The following ZNF618 variants were observed in gnomAD, a reference collection of about 807,000 sequenced individuals.
The protein encoded by ZNF618 is neural precursor cell expressed, developmentally down-regulated 10.
In ZNF618, 34 loss-of-function variants were observed where a neutral mutation model predicts 103.0. That is an observed-to-expected ratio of 0.33 (90% confidence interval 0.25 to 0.44). The LOEUF (loss-of-function observed/expected upper bound fraction) is 0.44, where lower values mean the gene tolerates loss of function less well. Ranked by LOEUF, ZNF618 falls within the 20% of genes least tolerant of loss-of-function variation. The pLI, the probability that ZNF618 is intolerant of heterozygous loss-of-function variation, is 1.00. For missense variants in ZNF618, 1,059 were observed against 1,295.4 expected (o/e 0.82, Z 2.80); for synonymous variants, 551 against 542.2 (o/e 1.02, Z -0.23).
rs80149033 is a variant in ZNF618 at position 113,914,371 on chromosome 9, G to A, written c.33+37958G>A. ...CCAGGCCTTCAAGACGCAGGATATA[G>A]GCACCTTGGGGCTCTCCTCACGTGC... On this transcript the variant is annotated intron_variant, in intron 1 of 14. Coordinates refer to ENST00000374126, the MANE Select transcript of ZNF618 (RefSeq NM_001318042.2). Among the ~76,000 whole-genome samples the A allele has an allele frequency of 5.6e-3, 850 of 152,250 alleles. 8 individuals carry two copies. Among genetic ancestry groups the A allele is most frequent in the African/African-American group, 0.02 (819 of 41,538 alleles).
At chr9:113,896,196 G>A (rs573107473) in intron 1 of ZNF618, among the ~76,000 whole-genome samples, 1 of 151,828 alleles carries the variant, frequency 6.6e-6, no homozygotes, top group Non-Finnish European at 1.5e-5. Context: ...ATACTTTTAT[G>A]GTAAGTAAGC....
intron 1 of ZNF618, among the ~76,000 whole-genome samples, chr9:113,882,927 C>A (rs1438393726): frequency 6.6e-6 from 1 of 152,212 alleles, no homozygotes; most frequent in Non-Finnish European, 1.5e-5. Flanking sequence ...CCTCTGCCCC[C>A]ATGGTACCTC....
At position 114,052,638 on chromosome 9, in the gene ZNF618, C is replaced by A; in HGVS notation, c.*2471C>A. Reference sequence around the variant, plus strand: ...TTGACTGCTGGGGAAGGGACAGTGACCGGCACTTTGACCCACACAAGGATA... The same window carrying A: ...TTGACTGCTGGGGAAGGGACAGTGAACGGCACTTTGACCCACACAAGGATA... On this transcript the variant is annotated 3_prime_UTR_variant, in exon 15 of 15. Coordinates refer to ENST00000374126, the MANE Select transcript of ZNF618 (RefSeq NM_001318042.2). The A allele has an allele frequency of 6.6e-6, 1 of 152,344 alleles. No individual in the cohort carries two copies. 9.4% of individuals were successfully genotyped at this position (152,344 alleles called of 1,614,324 possible).
intron 2 of ZNF618, among the ~76,000 whole-genome samples, chr9:113,973,557 G>A (rs551157670): frequency 7.0e-4 from 106 of 152,238 alleles, no homozygotes; most frequent in Non-Finnish European, 3.8e-4. Flanking sequence ...AAACTGGGTC[G>A]ATTTTACAAG....
chr9:113,987,869 C>A (rs1483883079), intron 2 of ZNF618, among the ~76,000 whole-genome samples: 1 of 151,024 alleles, frequency 6.6e-6, no homozygotes. Context: ...GGCCCTACCC[C>A]AGAACAGCTG....
chr9:113,937,532 C>T lies in ZNF618; in HGVS notation c.34-31585C>T, dbSNP rs187000172. 3.3e-3 allele frequency among the ~76,000 whole-genome samples: 498 copies of T among 152,214 alleles called. 3 individuals carry two copies. Among genetic ancestry groups the T allele is most frequent in the Middle Eastern group, 0.01 (3 of 294 alleles). On this transcript the variant is annotated intron_variant, in intron 1 of 14. Transcript: ENST00000374126. Reference sequence around the variant, plus strand: ...AGTGAAATTGTTTTCCTGTCTCTTTCGTCTCTTCCAATTTAGGAGAGCTCC... The same window carrying T: ...AGTGAAATTGTTTTCCTGTCTCTTTTGTCTCTTCCAATTTAGGAGAGCTCC...
At chr9:114,001,008 G>T (rs956609972) in intron 4 of ZNF618, among the ~76,000 whole-genome samples, 1 of 135,036 alleles carries the variant, frequency 7.4e-6, no homozygotes, top group Non-Finnish European at 1.8e-5. Flanking sequence ...ATTTGTCCAC[G>T]CTCCCTGGCT....
chr9:113,949,150 G>A (rs958398205), intron 1 of ZNF618, among the ~76,000 whole-genome samples: 3 of 152,232 alleles, frequency 2.0e-5, no homozygotes, highest in African/African-American at 7.2e-5. Context: ...AATTGCCCGT[G>A]ACATCACCTT....
intron 1 of ZNF618, among the ~76,000 whole-genome samples, chr9:113,913,651 T>A (rs1482595243): frequency 3.3e-5 from 5 of 151,960 alleles, no homozygotes; most frequent in Non-Finnish European, 5.9e-5. Context: ...ACTCCTTGGT[T>A]CTTGAACACT....
At chr9:114,033,414 A>G (rs1008877967) in intron 12 of ZNF618, among the ~76,000 whole-genome samples, 1 of 150,118 alleles carries the variant, frequency 6.7e-6, no homozygotes, top group Non-Finnish European at 1.5e-5. Flanking sequence ...AGAGAGAGAG[A>G]GAGAGAGCTG....
At chr9:114,015,736 A>G (rs1171633092) in intron 9 of ZNF618, among the ~76,000 whole-genome samples, 1 of 152,250 alleles carries the variant, frequency 6.6e-6, no homozygotes, top group East Asian at 1.9e-4. Context: ...ATTTTGAAAC[A>G]ATTTCAATGT....
At chr9:114,000,019 G>A (rs534995027) in intron 4 of ZNF618, among the ~76,000 whole-genome samples, 2 of 152,290 alleles carry the variant, frequency 1.3e-5, no homozygotes, top group South Asian at 4.1e-4. Flanking sequence ...CAATCACAGG[G>A]CTAAATACAA....
At chr9:113,898,062 G>C (rs1302663861) in intron 1 of ZNF618, among the ~76,000 whole-genome samples, 1 of 152,182 alleles carries the variant, frequency 6.6e-6, no homozygotes, top group Non-Finnish European at 1.5e-5. Context: ...CAAAGTGCTG[G>C]CATTACAGGC....
In ZNF618 at chr9:114,016,749, C is replaced by G; in HGVS notation, c.809C>G (p.Pro270Arg). The change falls in exon 10 of 15, where the codon CCC becomes CGC. Residue 270 changes from proline to arginine, a missense_variant. Pro to Arg is a moderately radical substitution (Grantham distance 103). Transcript: ENST00000374126. ...GGCAAACAGTACAAGTACTACACTCCCTACCAGGAGCATGTGGCCTTACAC... is the reference window on the plus strand; with the variant it reads ...GGCAAACAGTACAAGTACTACACTCGCTACCAGGAGCATGTGGCCTTACAC... ...FCGKQYKYYT[P>R]YQEHVALHAP... The G allele has an allele frequency of 6.2e-7, 1 of 1,613,694 alleles. No homozygotes were observed. Among genetic ancestry groups the G allele is most frequent in the Non-Finnish European group, 8.5e-7 (1 of 1,179,784 alleles).
At chr9:113,883,839 C>T (rs1828752920) in intron 1 of ZNF618, among the ~76,000 whole-genome samples, 1 of 152,042 alleles carries the variant, frequency 6.6e-6, no homozygotes, top group South Asian at 2.1e-4. Flanking sequence ...CCTCTTATTT[C>T]TTCTCCAAAA....
At chr9:114,001,021 T>C (rs1278969129) in intron 4 of ZNF618, among the ~76,000 whole-genome samples, 2 of 152,210 alleles carry the variant, frequency 1.3e-5, no homozygotes, top group African/African-American at 4.8e-5. Flanking sequence ...CCCTGGCTAT[T>C]CTGTTAGGAA....
chr9:114,008,580 A>G (rs1841968362), intron 9 of ZNF618, 26 bp downstream of exon 9: 1 of 1,612,392 alleles, frequency 6.2e-7, no homozygotes, highest in African/African-American at 1.3e-5. Context: ...TCTGGGGCCA[A>G]GGGCTGGGTG....
chr9:113,929,536 T>C (rs1051371427), intron 1 of ZNF618, among the ~76,000 whole-genome samples: 4 of 152,218 alleles, frequency 2.6e-5, no homozygotes, highest in Non-Finnish European at 4.4e-5. Context: ...AAAACTCTGC[T>C]GGAGGCTGTG....
chr9:113,879,749 ATTAC>A (rs1402100721), intron 1 of ZNF618, among the ~76,000 whole-genome samples: 1 of 143,446 alleles, frequency 7.0e-6, no homozygotes, highest in African/African-American at 2.6e-5. Flanking sequence ...GGAGACTCTT[ATTAC>A]TTAATGTTTT....
Sources: allele counts gnomAD v4.1 joint callset (sites outside exome capture counted in the v4.1 genomes callset), GRCh38; gene constraint gnomAD v4.1.1; transcripts MANE v1.5; gene names NCBI Gene and HGNC (gene_info 2026-07-23, HGNC 2026-07-21).